IP6K2: variants seen among roughly 807,000 people sequenced by gnomAD.
IP6K2 encodes the protein inositol hexakisphosphate kinase 2.
IP6K2 carries 9 observed loss-of-function variants against 43.3 expected under a neutral mutation model. The ratio of observed to expected loss-of-function variants is 0.21; its 90% CI spans 0.13 to 0.36. IP6K2 has a LOEUF of 0.36. IP6K2 is among the 10% of genes least tolerant of loss of function. The probability of loss-of-function intolerance (pLI) is 1.00; values close to 1 mark genes in which losing one functional copy is unlikely to be tolerated. For synonymous variants in IP6K2, 209 were observed against 202.4 expected, an observed-to-expected ratio of 1.03 and a Z score of -0.28; for missense variants, 332 against 538.4, an observed-to-expected ratio of 0.62 and a Z score of 3.79.
At chr3:48,692,027 T>C (rs111881466) in intron 3 of IP6K2, among the ~76,000 whole-genome samples, 20,210 of 151,836 alleles carry the variant, frequency 0.13, 1,498 homozygotes, top group African/African-American at 0.2. Context: ...GAGACAGGGT[T>C]TCATCATATT....
At chr3:48,708,703 A>C (rs183905504) in intron 1 of IP6K2, among the ~76,000 whole-genome samples, 31 of 152,204 alleles carry the variant, frequency 2.0e-4, no homozygotes, top group Admixed American at 9.8e-4. Context: ...ACTAAAGCCA[A>C]AATTGCTTAC....
At chr3:48,690,650 G>A (rs1010487664) in intron 4 of IP6K2, among the ~76,000 whole-genome samples, 11 of 152,108 alleles carry the variant, frequency 7.2e-5, no homozygotes, top group East Asian at 1.9e-4. Context: ...TGAGCCAGGC[G>A]TGGTAGCGGA....
At chr3:48,715,321 A>G (rs2081072931) in intron 1 of IP6K2, 3 of 1,536,144 alleles carry the variant, frequency 2.0e-6, no homozygotes, top group Non-Finnish European at 2.6e-6. Context: ...TCACCTCAGT[A>G]AGCTGGCCTC....
chr3:48,698,828 A>G (rs72929179), intron 1 of IP6K2, among the ~76,000 whole-genome samples: 1 of 152,006 alleles, frequency 6.6e-6, no homozygotes, highest in Non-Finnish European at 1.5e-5. Context: ...AGTCCCAGCT[A>G]TTCAGGAGGC....
At chr3:48,711,639 T>A (rs1182524561) in intron 1 of IP6K2, among the ~76,000 whole-genome samples, 1 of 152,182 alleles carries the variant, frequency 6.6e-6, no homozygotes, top group African/African-American at 2.4e-5. Flanking sequence ...CAGGTAAAAC[T>A]TCCATTCATA....
chr3:48,694,988 G>A, intron 2 of IP6K2, 102 bp downstream of exon 2: 1 of 1,607,554 alleles, frequency 6.2e-7, no homozygotes, highest in South Asian at 1.1e-5. Flanking sequence ...CACAGAGTGG[G>A]AGGGAGTGAG....
rs72929195 is a variant in IP6K2, at chr3:48,712,647, T to A, written c.-131+4510A>T. 1.8e-3 allele frequency among the ~76,000 whole-genome samples: 278 copies of A among 152,030 alleles called. 1 individual carries two copies. Among genetic ancestry groups the A allele is most frequent in the African/African-American group, 6.3e-3 (263 of 41,480 alleles). On this transcript the variant is annotated intron_variant, in intron 1 of 5. Coordinates refer to ENST00000328631, the MANE Select transcript of IP6K2 (RefSeq NM_016291.4). ...GAGGATCACTTATGGCCCCAAGAGG[T>A]TGAGGCCATAGCGAGCTATGATCGC...
intron 2 of IP6K2, chr3:48,694,094 T>G (rs1289599395): frequency 3.4e-6 from 5 of 1,478,950 alleles, no homozygotes; most frequent in Admixed American, 2.6e-5. Flanking sequence ...CAGAGAGAGA[T>G]GACACTTCTG....
chr3:48,715,199 A>C, intron 1 of IP6K2: 1 of 1,039,698 alleles, frequency 9.6e-7, no homozygotes, highest in Non-Finnish European at 1.4e-6. Context: ...CTAATGTATA[A>C]GAGTGTGTTC....
rs2077771440 is a variant in IP6K2, at chr3:48,691,458, C to T, written c.453G>A (p.Glu151=). ...MKSHKLEEEF[E]WLKKSEVLYY... is the part of the protein sequence containing the mutation. ...ACAAGACTTCAGATTTCTTTAGCCA[C>T]TCAAATTCTTCTTCTAACTTATGGC... Residue 151 remains glutamate (E), a synonymous_variant, in exon 4 of 6, where the codon GAG becomes GAA. Transcript: ENST00000328631. The T allele has an allele frequency of 2.5e-6, 4 of 1,610,966 alleles. No individual in the cohort carries two copies. The highest frequency in any genetic ancestry group is 1.3e-5 in the African/African-American group (1 of 74,770).
chr3:48,705,541 T>G (rs2079622845), intron 1 of IP6K2, among the ~76,000 whole-genome samples: 1 of 151,436 alleles, frequency 6.6e-6, no homozygotes, highest in Non-Finnish European at 1.5e-5. Flanking sequence ...TAGTCAGGCA[T>G]GGTGGGGAGA....
intron 1 of IP6K2, among the ~76,000 whole-genome samples, chr3:48,702,841 C>T (rs1465174538): frequency 6.6e-6 from 1 of 152,172 alleles, no homozygotes; most frequent in Non-Finnish European, 1.5e-5. Flanking sequence ...CCAGGATCTA[C>T]AAGAGCACCA....
chr3:48,689,637 T>C lies in IP6K2; in HGVS notation c.681A>G (p.Gln227=). Residue 227 remains glutamine (Q), a synonymous_variant, in exon 5 of 6, where the codon CAA becomes CAG. Coordinates refer to ENST00000328631, the MANE Select transcript of IP6K2 (RefSeq NM_016291.4). Reference sequence around the variant, plus strand: ...TCTCCTCTGAAGCATCATCACCATGTTGTCGTGTGCCCATCTTGAGGTCAA... The same window carrying C: ...TCTCCTCTGAAGCATCATCACCATGCTGTCGTGTGCCCATCTTGAGGTCAA... ...CVLDLKMGTR[Q]HGDDASEEKA... 1 of 1,614,208 alleles carries C rather than the reference T, an allele frequency of 6.2e-7. No individual in the cohort carries two copies. The highest frequency in any genetic ancestry group is 8.5e-7 in the Non-Finnish European group (1 of 1,180,024).
intron 1 of IP6K2, among the ~76,000 whole-genome samples, chr3:48,705,921 G>C (rs979249634): frequency 7.4e-6 from 1 of 135,118 alleles, no homozygotes; most frequent in Admixed American, 7.2e-5. Flanking sequence ...AAAAAAAACA[G>C]AAGGACAGGC....
chr3:48,697,488 ATTTTTTTTTTT>A (rs35746542), intron 1 of IP6K2, among the ~76,000 whole-genome samples: 9 of 64,326 alleles, frequency 1.4e-4, no homozygotes, highest in Admixed American at 2.4e-4. Context: ...ATGCCTGGCT[ATTTTTTTTTTT>A]TTTTTTTTTT....
Position 48,695,196 on chromosome 3 carries a change from C to A in IP6K2, c.96G>T (p.Val32=), listed in dbSNP as rs571065789. The part of the protein sequence containing the change: ...FVHQVGGHSC[V]LRFNETTLCK... The stretch of plus-strand genomic sequence containing the variant: ...ACAGGGTTGTCTCATTGAAGCGGAG[C>A]ACGCATGAGTGCCCCCCGACCTGGT... The change falls in exon 2 of 6, where the codon GTG becomes GTT. Residue 32 remains valine, a synonymous_variant. Coordinates refer to ENST00000328631, the MANE Select transcript of IP6K2 (RefSeq NM_016291.4). This position sits in a 1 kb window ranked among gnomAD's most constrained non-coding sequence, Gnocchi z 4.6. The A allele has an allele frequency of 1.0e-5, 16 of 1,587,220 alleles. No individual in the cohort carries two copies. The African/African-American group carries it at 2.0e-4, about 20-fold the overall frequency.
At chr3:48,709,452 G>C (rs958773321) in intron 1 of IP6K2, among the ~76,000 whole-genome samples, 5 of 152,316 alleles carry the variant, frequency 3.3e-5, no homozygotes, top group Admixed American at 2.6e-4. Flanking sequence ...CTGGCAGCTT[G>C]TATCACCCAA....
intron 2 of IP6K2, chr3:48,693,955 T>G: frequency 4.4e-6 from 6 of 1,368,452 alleles, no homozygotes; most frequent in Non-Finnish European, 4.7e-6. Flanking sequence ...GGCTGTCAGG[T>G]GGGGGCGTTT....
At chr3:48,701,856 CTACTG>C (rs1252710436) in intron 1 of IP6K2, among the ~76,000 whole-genome samples, 1 of 152,178 alleles carries the variant, frequency 6.6e-6, no homozygotes, top group Non-Finnish European at 1.5e-5. Flanking sequence ...TGAGATCGCA[CTACTG>C]TACTCCAGCC....
Sources: gnomAD v4.1 joint callset for allele counts (sites outside exome capture counted in the v4.1 genomes callset) on GRCh38, gnomAD v4.1.1 for gene constraint, Gnocchi (gnomAD v3.1) non-coding constraint, MANE v1.5 for transcripts, NCBI Gene and HGNC (gene_info 2026-07-23, HGNC 2026-07-21) for gene names.